RPH3A: variants seen among roughly 807,000 people sequenced by gnomAD.
The protein encoded by RPH3A is rabphilin-3A.
Under a neutral mutation model 102.2 loss-of-function variants are expected in RPH3A, and 48 were observed. The observed-to-expected ratio is 0.47, with a 90% CI of 0.37 to 0.60. The LOEUF (loss-of-function observed/expected upper bound fraction) is 0.60, where lower values mean the gene tolerates loss of function less well. Ranked by LOEUF, RPH3A falls within the 20% of genes least tolerant of loss-of-function variation. The pLI is 0.00. For synonymous variants in RPH3A, 310 were observed against 324.3 expected, an observed-to-expected ratio of 0.96 and a Z score of 0.47; for missense variants, 781 against 910.1, an observed-to-expected ratio of 0.86 and a Z score of 1.83.
At chr12:112,859,711 TAA>T (rs1273757408) in intron 5 of RPH3A, among the ~76,000 whole-genome samples, 2 of 152,220 alleles carry the variant, frequency 1.3e-5, no homozygotes, top group African/African-American at 4.8e-5. Flanking sequence ...TCCTGTTTCT[TAA>T]AGTGTAGCCA....
chr12:112,827,715 A>C (rs1449131912), intron 2 of RPH3A, among the ~76,000 whole-genome samples: 1 of 152,082 alleles, frequency 6.6e-6, no homozygotes, highest in African/African-American at 2.4e-5. Context: ...ACATGGACAC[A>C]GGAAAGGGAA....
intron 1 of RPH3A, among the ~76,000 whole-genome samples, chr12:112,616,503 A>G (rs1203220679): frequency 6.6e-6 from 1 of 152,178 alleles, no homozygotes; most frequent in East Asian, 1.9e-4. Flanking sequence ...ATGTTTTTGC[A>G]TCTTAGAAGA....
At chr12:112,676,747 C>T (rs950418149) in intron 1 of RPH3A, among the ~76,000 whole-genome samples, 1 of 151,526 alleles carries the variant, frequency 6.6e-6, no homozygotes, top group African/African-American at 2.4e-5. Flanking sequence ...TAGAGCACAC[C>T]GTAGGCAGTG....
At chr12:112,807,927 C>T (rs530706143) in intron 2 of RPH3A, among the ~76,000 whole-genome samples, 5 of 152,182 alleles carry the variant, frequency 3.3e-5, no homozygotes, top group African/African-American at 1.2e-4. Context: ...TCATCTATTT[C>T]CCCCCACTAG....
rs545337195 is a variant in RPH3A, at chr12:112,652,425, G to A, written c.-140+77106G>A. Reference sequence around the variant, plus strand: ...CCAGGAACTTGAGGCTGTCATGATCGTGCCACTATATTCCAGCCTGGGTGA... The same window carrying A: ...CCAGGAACTTGAGGCTGTCATGATCATGCCACTATATTCCAGCCTGGGTGA... On this transcript the variant is annotated intron_variant, in intron 1 of 21. Coordinates refer to the RPH3A transcript ENST00000543106. Among the ~76,000 whole-genome samples, 7 of 152,206 alleles carry A rather than the reference G, an allele frequency of 4.6e-5. No individual in the cohort carries two copies. In the South Asian group the frequency reaches 1.5e-3, roughly 32 times the overall value.
At chr12:112,581,681 T>C (rs1416204508) in intron 1 of RPH3A, among the ~76,000 whole-genome samples, 1 of 150,776 alleles carries the variant, frequency 6.6e-6, no homozygotes, top group African/African-American at 2.4e-5. Flanking sequence ...ATTACAGGTG[T>C]CAGCCTGGCC....
chr12:112,865,715 G>A (rs762128306), intron 6 of RPH3A, 172 bp downstream of exon 6: 28 of 611,606 alleles, frequency 4.6e-5, no homozygotes, highest in Admixed American at 2.9e-4. Flanking sequence ...GTCTTCCAAC[G>A]TAACCCTGAT....
chr12:112,820,527 A>G (rs2041759253), intron 2 of RPH3A, among the ~76,000 whole-genome samples: 1 of 152,180 alleles, frequency 6.6e-6, no homozygotes, highest in South Asian at 2.1e-4. Context: ...CAAAATGGAG[A>G]TAATACTTGT....
intron 1 of RPH3A, among the ~76,000 whole-genome samples, chr12:112,758,143 G>A (rs2040833514): frequency 6.6e-6 from 1 of 152,192 alleles, no homozygotes; most frequent in Admixed American, 6.5e-5. Context: ...ATCCAGAAGT[G>A]TAGGGGAGCT....
At chr12:112,879,244 A>C (rs774919793) in intron 14 of RPH3A, 46 bp downstream of exon 14, 4 of 1,538,586 alleles carry the variant, frequency 2.6e-6, no homozygotes. Flanking sequence ...ATGCTCTGGC[A>C]TGGCTAGGAG....
intron 1 of RPH3A, among the ~76,000 whole-genome samples, chr12:112,726,030 C>T (rs958267068): frequency 1.1e-4 from 17 of 151,282 alleles, no homozygotes; most frequent in East Asian, 9.8e-4. Context: ...CTCCTGACCT[C>T]GTGATCCACC....
intron 2 of RPH3A, among the ~76,000 whole-genome samples, chr12:112,806,329 G>C (rs2041463020): frequency 6.6e-6 from 1 of 152,232 alleles, no homozygotes; most frequent in Non-Finnish European, 1.5e-5. Flanking sequence ...AACGTTTTAA[G>C]AACCTGGACA....
chr12:112,613,106 G>A (rs949685195), intron 1 of RPH3A, among the ~76,000 whole-genome samples: 4 of 152,160 alleles, frequency 2.6e-5, no homozygotes, highest in African/African-American at 7.2e-5. Flanking sequence ...CAACAGCCCT[G>A]TGAGGTGGAT....
chr12:112,820,794 G>A (rs2041763980), intron 2 of RPH3A, among the ~76,000 whole-genome samples: 1 of 152,156 alleles, frequency 6.6e-6, no homozygotes. Flanking sequence ...CTGTCCTGTG[G>A]GGTTATTTAG....
At chr12:112,733,028 G>C (rs2136049926) in intron 1 of RPH3A, among the ~76,000 whole-genome samples, 1 of 152,280 alleles carries the variant, frequency 6.6e-6, no homozygotes, top group South Asian at 2.1e-4. Context: ...GCATCAAGCT[G>C]CTCCTGTAAT....
Position 112,772,623 on chromosome 12 carries a change from C to G in RPH3A, c.-139-19520C>G, listed in dbSNP as rs886351022. Among the ~76,000 whole-genome samples, 8 of 152,034 alleles carry G rather than the reference C, an allele frequency of 5.3e-5. No homozygotes were observed. The East Asian group carries it at 1.5e-3, about 29-fold the overall frequency. On this transcript the variant is annotated intron_variant, in intron 1 of 21. Transcript: ENST00000543106. ...CAAGTACTTAGAGAAGTGGTTGGTG[C>G]GTGGTAAGCGCTCAATAATTATTAG...
intron 7 of RPH3A, among the ~76,000 whole-genome samples, chr12:112,867,641 A>G (rs2042634456): frequency 6.6e-6 from 1 of 152,182 alleles, no homozygotes; most frequent in African/African-American, 2.4e-5. Context: ...TAGAGGAGGG[A>G]ATGGTTACCA....
chr12:112,743,488 A>G (rs1415228876), intron 1 of RPH3A, among the ~76,000 whole-genome samples: 2 of 152,220 alleles, frequency 1.3e-5, no homozygotes, highest in Non-Finnish European at 2.9e-5. Context: ...CTCTGCAAGC[A>G]TGTCTGCTCC....
chr12:112,746,087 C>T (rs529613850), intron 1 of RPH3A, among the ~76,000 whole-genome samples: 1 of 152,132 alleles, frequency 6.6e-6, no homozygotes, highest in Non-Finnish European at 1.5e-5. Context: ...CAGAGTACTA[C>T]GTGTGTTTCA....
Sources: gnomAD v4.1 joint callset for allele counts (sites outside exome capture counted in the v4.1 genomes callset) on GRCh38, gnomAD v4.1.1 for gene constraint, MANE v1.5 for transcripts, NCBI Gene and HGNC (gene_info 2026-07-23, HGNC 2026-07-21) for gene names.